The following LBX1 variants were observed in gnomAD, a reference collection of about 807,000 sequenced individuals.
LBX1 encodes the protein transcription factor LBX1.
A neutral mutation model predicts 19.9 loss-of-function variants in LBX1; 6 were observed. The observed-to-expected ratio is 0.30, with a 90% CI of 0.17 to 0.60. LBX1 has a LOEUF of 0.60. Ranked by LOEUF, LBX1 falls within the 20% of genes least tolerant of loss-of-function variation. LBX1 has a pLI of 0.87. For missense variants in LBX1, 344 were observed against 393.7 expected, an observed-to-expected ratio of 0.87 and a Z score of 1.07; for synonymous variants, 190 against 189.3, an observed-to-expected ratio of 1.00 and a Z score of -0.03.
In LBX1 at chr10:101,227,769, A is replaced by C; in HGVS notation, c.347T>G (p.Phe116Cys). Residue 116 changes from phenylalanine (F) to cysteine (C), a missense_variant, in exon 2 of 2, where the codon TTT (phenylalanine) becomes TGT (cysteine). By Grantham distance (205) the Phe-to-Cys change is radical. Transcript: ENST00000370193. ...CTTCTTAGGGGTCTGCCGCTGCCCA[A>C]AGATGGTCATACCGTCGCGGCCTGG... ...AAEGRDGMTI[F>C]GQRQTPKKRR... The C allele has an allele frequency of 6.3e-7, 1 of 1,592,200 alleles. No homozygotes were observed. Among genetic ancestry groups the C allele is most frequent in the Non-Finnish European group, 8.6e-7 (1 of 1,166,978 alleles).
chr10:101,227,052 G>T lies in LBX1; in HGVS notation c.*218C>A. The T allele has an allele frequency of 4.1e-6, 2 of 482,696 alleles. No homozygotes were observed. Among genetic ancestry groups the T allele is most frequent in the Non-Finnish European group, 7.2e-6 (2 of 277,008 alleles). 29.9% of individuals were successfully genotyped at this position (482,696 alleles called of 1,614,324 possible). A position where few individuals can be genotyped will look rare whatever the true frequency, so the allele number is the denominator to read the frequency against. ...ATTGCACGGCGAGGGCTTCCGGGGC[G>T]GCGGAGGCCGCTGGTGGCGGCCGGC... On this transcript the variant is annotated 3_prime_UTR_variant, in exon 2 of 2. Transcript: ENST00000370193.
Position 101,227,510 on chromosome 10 carries a change from C to G in LBX1, c.606G>C (p.Gln202His). Residue 202 changes from glutamine to histidine, a missense_variant, in exon 2 of 2, where the codon CAG becomes CAC. By Grantham distance (24) the Gln-to-His change is conservative. Transcript: ENST00000370193. ...GTTCGGCCAGCGCCACGATGTCCAT[C>G]TGCCCGCTGGGGCCCAGTTTCTTGG... is the stretch of plus-strand genomic sequence containing the variant. ...ESAKKLGPSG[Q>H]MDIVALAELE... is the part of the protein sequence containing the mutation. 6.2e-7 allele frequency: 1 copy of G among 1,613,008 alleles called. No homozygotes were observed. Among genetic ancestry groups the G allele is most frequent in the Non-Finnish European group, 8.5e-7 (1 of 1,179,398 alleles).
chr10:101,228,404 A>C, intron 1 of LBX1, 87 bp downstream of exon 1: 1 of 1,036,292 alleles, frequency 9.6e-7, no homozygotes, highest in South Asian at 1.6e-5. Flanking sequence ...CGGAGAGGGC[A>C]GAGGCGAGCA....
rs1564695704 is a variant in LBX1, at chr10:101,227,285, G to A, written c.831C>T (p.Ile277=). Reference sequence around the variant, plus strand: ...GGGGCGCCGCTCAATCGTCCACGTCGATCTCTTCGTCTTCCTCGTCCTCCG... The same window carrying A: ...GGGGCGCCGCTCAATCGTCCACGTCAATCTCTTCGTCTTCCTCGTCCTCCG... ...DCSEDEEDEE[I]DVDD is the part of the protein sequence containing the mutation. The change falls in exon 2 of 2, where the codon ATC becomes ATT. Residue 277 remains isoleucine, a synonymous_variant. Transcript: ENST00000370193. The A allele has an allele frequency of 6.2e-7, 1 of 1,606,064 alleles. No homozygotes were observed. Among genetic ancestry groups the A allele is most frequent in the Non-Finnish European group, 8.5e-7 (1 of 1,177,808 alleles).
In LBX1 at chr10:101,227,885, G is replaced by A. The variant is rs1941064589; in HGVS notation, c.326-95C>T. The A allele has an allele frequency of 5.1e-6, 6 of 1,187,146 alleles. No individual in the cohort carries two copies. In the African/African-American group the frequency reaches 6.2e-5, roughly 12 times the overall value. 73.5% of individuals were successfully genotyped at this position (1,187,146 alleles called of 1,614,324 possible). A position where few individuals can be genotyped will look rare whatever the true frequency, so the allele number is the denominator to read the frequency against. On this transcript the variant is annotated intron_variant, in intron 1 of 1. Transcript: ENST00000370193. ...CTCCGTAACCCACCCAGGCCTGTCC[G>A]GCCTGCAGTCTACCAATGTTCCCTT...
chr10:101,229,337 C>T lies in LBX1; in HGVS notation c.-522G>A, dbSNP rs182903980. On this transcript the variant is annotated 5_prime_UTR_variant, in exon 1 of 2. Transcript: ENST00000370193. The surrounding 1 kb of genome is among the most constrained non-coding windows in gnomAD (Gnocchi z 6.4). ...TTCTCCCTTTTTCCTCTCTTCTTTG[C>T]CTCTGTTCTCTCCTCCTGTTCTCGC... 3,216 of 163,600 alleles carry T rather than the reference C, an allele frequency of 0.02. 125 individuals are homozygous for T. Among genetic ancestry groups the T allele is most frequent in the African/African-American group, 0.073 (3,050 of 41,542 alleles). The allele number at this position is 163,600 out of a possible 1,614,324, so 10.1% of individuals were successfully genotyped here. A position where few individuals can be genotyped will look rare whatever the true frequency, so the allele number is the denominator to read the frequency against.
Position 101,227,198 on chromosome 10 carries a change from G to GCGGTC in LBX1, c.*67_*71dup. ...GCAGAGGAGGTCCCAGCTCCCCTCG[G>GCGGTC]CGGTCCGGTCCGGGAGGCGTTGGGC... On this transcript the variant is annotated 3_prime_UTR_variant, in exon 2 of 2. Coordinates refer to ENST00000370193, the MANE Select transcript of LBX1 (RefSeq NM_006562.5). 6.8e-7 allele frequency: 1 copy of GCGGTC among 1,468,748 alleles called. No individual in the cohort carries two copies. Among genetic ancestry groups the GCGGTC allele is most frequent in the Non-Finnish European group, 9.2e-7 (1 of 1,091,370 alleles). 91.0% of individuals were successfully genotyped at this position (1,468,748 alleles called of 1,614,324 possible).
intron 1 of LBX1, 25 bp downstream of exon 1, chr10:101,228,466 A>G (rs1448280088): frequency 6.6e-7 from 1 of 1,519,314 alleles, no homozygotes; most frequent in Admixed American, 2.0e-5. Context: ...CGCTGGGTGC[A>G]GGGGAACCCA....
Position 101,227,145 on chromosome 10 carries a change from C to T in LBX1, c.*125G>A. ...CGGCTGCCAGGAGCCGAGTCCGGGG[C>T]CGGGGACAGGGGAGGAGGCGGGAGT... On this transcript the variant is annotated 3_prime_UTR_variant, in exon 2 of 2. Coordinates refer to ENST00000370193, the MANE Select transcript of LBX1 (RefSeq NM_006562.5). The T allele has an allele frequency of 2.1e-6, 2 of 944,868 alleles. No individual in the cohort carries two copies. The highest frequency in any genetic ancestry group is 3.1e-6 in the Non-Finnish European group (2 of 650,318). The allele number at this position is 944,868 out of a possible 1,614,324, so 58.5% of individuals were successfully genotyped here. A position where few individuals can be genotyped will look rare whatever the true frequency, so the allele number is the denominator to read the frequency against.
Position 101,229,412 on chromosome 10 carries a change from T to TCCTTCTCTCC in LBX1, c.-607_-598dup. Reference sequence around the variant, plus strand: ...CTCTTCTCTGCTCCCCCCTTCTCTCTCCTTCTCTCCCTCTCCCTCGCCCTC... The same window carrying TCCTTCTCTCC: ...CTCTTCTCTGCTCCCCCCTTCTCTCTCCTTCTCTCCCCTTCTCTCCCTCTCCCTCGCCCTC... On this transcript the variant is annotated 5_prime_UTR_variant, in exon 1 of 2. Coordinates refer to ENST00000370193, the MANE Select transcript of LBX1 (RefSeq NM_006562.5). The surrounding 1 kb of genome is among the most constrained non-coding windows in gnomAD (Gnocchi z 6.4). 4.6e-6 allele frequency: 1 copy of TCCTTCTCTCC among 216,398 alleles called. No homozygotes were observed. The highest frequency in any genetic ancestry group is 9.4e-6 in the Non-Finnish European group (1 of 106,874). 13.4% of individuals were successfully genotyped at this position (216,398 alleles called of 1,614,324 possible).
Position 101,228,632 on chromosome 10 carries a change from C to G in LBX1, c.184G>C (p.Ala62Pro), listed in dbSNP as rs1276666567. ...SLCGAAHLLA[A>P]ADKHAQGGLP... ...CCGCCCTGCGCGTGCTTGTCCGCGG[C>G]GGCCAGCAGGTGCGCCGCCCCGCAC... Residue 62 changes from alanine to proline, a missense_variant, in exon 1 of 2, where the codon GCC becomes CCC. Ala to Pro is a conservative substitution (Grantham distance 27). Transcript: ENST00000370193. 1 of 1,581,340 alleles carries G rather than the reference C, an allele frequency of 6.3e-7. No individual in the cohort carries two copies. The highest frequency in any genetic ancestry group is 8.6e-7 in the Non-Finnish European group (1 of 1,164,904).
chr10:101,228,424 G>A (rs1182909066), intron 1 of LBX1, 67 bp downstream of exon 1: 1 of 1,303,344 alleles, frequency 7.7e-7, no homozygotes, highest in African/African-American at 1.5e-5. Context: ...AGAGGCATAG[G>A]GGACGAAGCG....
Position 101,227,009 on chromosome 10 carries a change from A to G in LBX1, c.*261T>C. 1 of 354,240 alleles carries G rather than the reference A, an allele frequency of 2.8e-6. No individual in the cohort carries two copies. Among genetic ancestry groups the G allele is most frequent in the African/African-American group, 2.1e-5 (1 of 46,994 alleles). 21.9% of individuals were successfully genotyped at this position (354,240 alleles called of 1,614,324 possible). On this transcript the variant is annotated 3_prime_UTR_variant, in exon 2 of 2. Transcript: ENST00000370193. ...ACCCGCTATATAGGTTTAAATATTT[A>G]TATAGAAGCCATACAGAATTGCACG...
intron 1 of LBX1, 91 bp from the exon 2 acceptor site, chr10:101,227,881 G>A: frequency 8.0e-7 from 1 of 1,246,860 alleles, no homozygotes; most frequent in Non-Finnish European, 1.1e-6. Context: ...ACCCAGGCCT[G>A]TCCGGCCTGC....
chr10:101,228,914 G>A lies in LBX1; in HGVS notation c.-99C>T, dbSNP rs919691544. 4 of 786,900 alleles carry A rather than the reference G, an allele frequency of 5.1e-6. No homozygotes were observed. The highest frequency in any genetic ancestry group is 4.7e-5 in the Admixed American group (1 of 21,160). 48.7% of individuals were successfully genotyped at this position (786,900 alleles called of 1,614,324 possible). A position where few individuals can be genotyped will look rare whatever the true frequency, so the allele number is the denominator to read the frequency against. ...GGACGGCGCGGGCAGGCAGCGGCGG[G>A]TGGAAAGGAGGCCGCACTGGGCAGG... On this transcript the variant is annotated 5_prime_UTR_variant, in exon 1 of 2. Transcript: ENST00000370193.
intron 1 of LBX1, 68 bp downstream of exon 1, chr10:101,228,423 G>A (rs1246491277): frequency 2.3e-6 from 3 of 1,297,064 alleles, no homozygotes; most frequent in East Asian, 2.6e-5. Flanking sequence ...CAGAGGCATA[G>A]GGGACGAAGC....
At position 101,227,092 on chromosome 10, in the gene LBX1, TG is replaced by T; in HGVS notation, c.*177del. 1.7e-6 allele frequency: 1 copy of T among 583,364 alleles called. No homozygotes were observed. Among genetic ancestry groups the T allele is most frequent in the Non-Finnish European group, 2.8e-6 (1 of 351,848 alleles). 36.1% of individuals were successfully genotyped at this position (583,364 alleles called of 1,614,324 possible). Reference sequence around the variant, plus strand: ...TGGCGGCCGGCCCGGCCGGCCAGCCTGGGTTTATTGCTTCGAGAGGGAAGAG... The same window carrying T: ...TGGCGGCCGGCCCGGCCGGCCAGCCTGGTTTATTGCTTCGAGAGGGAAGAG... On this transcript the variant is annotated 3_prime_UTR_variant, in exon 2 of 2. Transcript: ENST00000370193.
chr10:101,227,941 G>A, intron 1 of LBX1, 151 bp from the exon 2 acceptor site: 2 of 731,848 alleles, frequency 2.7e-6, no homozygotes, highest in Non-Finnish European at 4.2e-6. Flanking sequence ...CAGGACCAGG[G>A]CAAGTCTTGG....
At position 101,227,391 on chromosome 10, in the gene LBX1, G is replaced by A. The variant is rs1384695933; in HGVS notation, c.725C>T (p.Pro242Leu). Residue 242 changes from proline to leucine, a missense_variant, in exon 2 of 2, where the codon CCG (proline) becomes CTG (leucine). Pro to Leu is a moderately conservative substitution (Grantham distance 98). Transcript: ENST00000370193. ...CAGGGCGCCAGCGCCCGGGGCCTTC[G>A]GGGCGCCTGGGGGGAGGACCGGAGA... Reference protein sequence around the residue: ...PGSPVLPPGAPKAPGAGALQL... With the variant: ...PGSPVLPPGALKAPGAGALQL... The A allele has an allele frequency of 1.9e-6, 3 of 1,602,688 alleles. No individual in the cohort carries two copies. Among genetic ancestry groups the A allele is most frequent in the Admixed American group, 3.4e-5 (2 of 59,224 alleles).
Sources: allele counts gnomAD v4.1 joint callset, GRCh38; gene constraint gnomAD v4.1.1; non-coding constraint Gnocchi (gnomAD v3.1); transcripts MANE v1.5; gene names NCBI Gene and HGNC (gene_info 2026-07-23, HGNC 2026-07-21).